LTBP2: variants seen among roughly 807,000 people sequenced by gnomAD.
The protein encoded by LTBP2 is latent-transforming growth factor beta-binding protein 2.
Under a neutral mutation model 210.6 loss-of-function variants are expected in LTBP2, and 103 were observed. The ratio of observed to expected loss-of-function variants is 0.49; its 90% CI spans 0.42 to 0.58. The LOEUF is 0.58. LTBP2 is among the 20% of genes least tolerant of loss of function. The pLI, the probability that LTBP2 is intolerant of heterozygous loss-of-function variation, is 0.00. For synonymous variants in LTBP2, 1,007 were observed against 1,015.0 expected (o/e 0.99, Z 0.15); for missense variants, 2,313 against 2,494.5 (o/e 0.93, Z 1.55).
At chr14:74,546,448 C>T (rs776035435) in intron 8 of LTBP2, among the ~76,000 whole-genome samples, 42 of 152,246 alleles carry the variant, frequency 2.8e-4, no homozygotes, top group African/African-American at 6.3e-4. Flanking sequence ...GGCTCCCCAA[C>T]GTCTTGCCCC....
rs925279198 is a variant in LTBP2, at chr14:74,522,990, G to C, written c.2531-72C>G. 2.5e-5 allele frequency: 39 copies of C among 1,559,918 alleles called. No individual in the cohort carries two copies. In the South Asian group the frequency reaches 4.5e-4, roughly 18 times the overall value. ...GACAAAGGCAGTGGAGCGGGGTGGG[G>C]ACAGTCAGTGGCCAGGGTCTAGGGG... On this transcript the variant is annotated intron_variant, in intron 15 of 35. Transcript: ENST00000261978.
At position 74,551,161 on chromosome 14, in the gene LTBP2, G is replaced by C. The variant is rs774585526; in HGVS notation, c.1589C>G (p.Pro530Arg). The change falls in exon 7 of 36, where the codon CCT becomes CGT. Residue 530 changes from proline (P) to arginine (R), a missense_variant. Physicochemically the swap from Pro to Arg is moderately radical, Grantham distance 103. Around this residue, in one of 3 missense-constraint regions of LTBP2, gnomAD observed 1,867 missense variants for 1,976.9 expected, o/e 0.94. Coordinates refer to ENST00000261978, the MANE Select transcript of LTBP2 (RefSeq NM_000428.3). ...CCGAGGGGGCTCTCCAGACCGAGCA[G>C]GGATGTTGTTGCTGTCCCAGAGGCT... ...GHSLWDSNNI[P>R]ARSGEPPRPL... The C allele has an allele frequency of 2.5e-6, 4 of 1,613,846 alleles. No individual in the cohort carries two copies. The African/African-American group carries it at 5.3e-5, about 22-fold the overall frequency.
chr14:74,600,956 G>A (rs1176885479), intron 2 of LTBP2, among the ~76,000 whole-genome samples: 1 of 152,144 alleles, frequency 6.6e-6, no homozygotes, highest in Admixed American at 6.5e-5. Flanking sequence ...AGAGGGTTGG[G>A]GGAACATTCA....
chr14:74,551,416 A>T lies in LTBP2; in HGVS notation c.1400-66T>A. The T allele has an allele frequency of 2.1e-6, 3 of 1,447,934 alleles. No individual in the cohort carries two copies. The South Asian group carries it at 4.3e-5, about 21-fold the overall frequency. The allele number at this position is 1,447,934 out of a possible 1,614,324, so 89.7% of individuals were successfully genotyped here. A position where few individuals can be genotyped will look rare whatever the true frequency, so the allele number is the denominator to read the frequency against. On this transcript the variant is annotated intron_variant, in intron 6 of 35. Coordinates refer to ENST00000261978, the MANE Select transcript of LTBP2 (RefSeq NM_000428.3). ...CCCACCCTCATTTCCAACCCTCTGAAGGGTATCCACCACCCCTGGGCCAGG... is the reference window on the plus strand; with the variant it reads ...CCCACCCTCATTTCCAACCCTCTGATGGGTATCCACCACCCCTGGGCCAGG...
chr14:74,585,536 C>T (rs1428192643), intron 3 of LTBP2, among the ~76,000 whole-genome samples: 1 of 152,230 alleles, frequency 6.6e-6, no homozygotes, highest in Non-Finnish European at 1.5e-5. Context: ...TGGGAAATGG[C>T]AAAGCCAGGC....
Position 74,508,900 on chromosome 14 carries a change from C to T in LTBP2, c.3456G>A (p.Lys1152=), listed in dbSNP as rs754241198. ...PQSSCLGGEC[K]NTVGSYQCLC... Reference sequence around the variant, plus strand: ...GGCACTGGTAGGAGCCCACAGTGTTCTTGCACTCGCCTCCCAGGCAGCTGC... The same window carrying T: ...GGCACTGGTAGGAGCCCACAGTGTTTTTGCACTCGCCTCCCAGGCAGCTGC... The change falls in exon 23 of 36, where the codon AAG becomes AAA. Residue 1152 remains lysine, a synonymous_variant. Transcript: ENST00000261978. The T allele has an allele frequency of 6.2e-7, 1 of 1,613,838 alleles. No homozygotes were observed. The highest frequency in any genetic ancestry group is 8.5e-7 in the Non-Finnish European group (1 of 1,179,976).
At chr14:74,541,275 GT>G (rs919026014) in intron 8 of LTBP2, among the ~76,000 whole-genome samples, 23 of 152,220 alleles carry the variant, frequency 1.5e-4, no homozygotes, top group African/African-American at 5.5e-4. Context: ...CTTCATCACT[GT>G]TATGTCTCTG....
Position 74,527,343 on chromosome 14 carries a change from T to C in LTBP2, c.2388+4A>G, listed in dbSNP as rs1179294932. ...CCGGCCCCCTAGTGGGAGGACGCAC[T>C]CACCTGGCCAGCCTGAGAGTCACCT... is the stretch of plus-strand genomic sequence containing the variant. On this transcript the variant is annotated splice_donor_region_variant and intron_variant, in intron 13 of 35. Transcript: ENST00000261978. 1 of 1,611,498 alleles carries C rather than the reference T, an allele frequency of 6.2e-7. No individual in the cohort carries two copies. The highest frequency in any genetic ancestry group is 2.2e-5 in the East Asian group (1 of 44,806).
intron 2 of LTBP2, among the ~76,000 whole-genome samples, chr14:74,602,544 C>G (rs2088462960): frequency 6.6e-6 from 1 of 152,222 alleles, no homozygotes; most frequent in Admixed American, 6.5e-5. Flanking sequence ...TAGCTCTGCA[C>G]TTCCTGACTA....
chr14:74,501,077 C>A, intron 35 of LTBP2, 48 bp from the exon 36 acceptor site: 1 of 1,584,996 alleles, frequency 6.3e-7, no homozygotes, highest in Non-Finnish European at 8.6e-7. Flanking sequence ...GGTGCCTCTG[C>A]TGGCTGCCTC....
intron 3 of LTBP2, among the ~76,000 whole-genome samples, chr14:74,564,626 G>A (rs1037032256): frequency 2.0e-5 from 3 of 150,708 alleles, no homozygotes; most frequent in Admixed American, 6.7e-5. Context: ...CTGGTGATCC[G>A]CCCACCTCAG....
intron 3 of LTBP2, among the ~76,000 whole-genome samples, chr14:74,576,664 TATG>T (rs113019594): frequency 0.028 from 4,182 of 151,262 alleles, 188 homozygotes; most frequent in African/African-American, 0.094. Context: ...TCACAGAGAG[TATG>T]ATATGATGGA....
rs761662779 is a variant in LTBP2, at chr14:74,502,864, T to C, written c.4959A>G (p.Pro1653=). The C allele has an allele frequency of 1.2e-6, 2 of 1,613,748 alleles. No homozygotes were observed. The highest frequency in any genetic ancestry group is 1.3e-5 in the African/African-American group (1 of 74,918). ...AEREAGVHFR[P]GYEYGPGPDD... is the part of the protein sequence containing the mutation. ...CGGGCCCGGGGCCATACTCATAGCC[T>C]GGCCGGAAGTGGACCCCGGCCTCCC... Residue 1653 remains proline, a synonymous_variant, in exon 34 of 36, where the codon CCA becomes CCG. Transcript: ENST00000261978.
rs531463864 is a variant in LTBP2, at chr14:74,549,847, G to C, written c.1789+16C>G. ...AGCTTCCTCCACAACACGTGACCTT[G>C]GACTCCAGCACTCACCTGGTCTGGG... On this transcript the variant is annotated intron_variant, in intron 8 of 35. Transcript: ENST00000261978. The C allele has an allele frequency of 3.5e-4, 562 of 1,604,738 alleles. 5 individuals are homozygous for C. The South Asian group carries it at 6.0e-3, about 17-fold the overall frequency.
At chr14:74,530,901 G>A (rs6574184) in intron 10 of LTBP2, among the ~76,000 whole-genome samples, 46,386 of 151,880 alleles carry the variant, frequency 0.31, 7,534 homozygotes, top group African/African-American at 0.42. Context: ...AACTTTCTTC[G>A]TGGTATTGTC....
chr14:74,564,307 T>G (rs868005601), intron 3 of LTBP2, among the ~76,000 whole-genome samples: 20 of 13,994 alleles, frequency 1.4e-3, no homozygotes, highest in South Asian at 1.6e-3. Flanking sequence ...TTATATATAT[T>G]TATATATATA....
chr14:74,501,153 G>T, intron 35 of LTBP2, 124 bp from the exon 36 acceptor site: 1 of 1,274,004 alleles, frequency 7.8e-7, no homozygotes, highest in Non-Finnish European at 1.1e-6. Context: ...ACAGCCAGAG[G>T]CTGAAGTCAC....
At chr14:74,503,126 CCTT>C (rs1449141053) in intron 33 of LTBP2, 90 bp downstream of exon 33, 1 of 1,567,260 alleles carries the variant, frequency 6.4e-7, no homozygotes, top group Admixed American at 1.7e-5. Flanking sequence ...TTGCTCTGCT[CCTT>C]CTTTCTAGAT....
At chr14:74,570,373 C>G (rs112956445) in intron 3 of LTBP2, among the ~76,000 whole-genome samples, 1 of 152,156 alleles carries the variant, frequency 6.6e-6, no homozygotes, top group Non-Finnish European at 1.5e-5. Flanking sequence ...GTGTTTACCC[C>G]ACTCGTGGGC....
Sources: allele counts gnomAD v4.1 joint callset (sites outside exome capture counted in the v4.1 genomes callset), GRCh38; gene constraint gnomAD v4.1.1; regional missense constraint gnomAD v4.1.1; transcripts MANE v1.5; gene names NCBI Gene and HGNC (gene_info 2026-07-23, HGNC 2026-07-21).